Variants in EML1 observed in about 807,000 individuals in gnomAD.
EML1 encodes the protein EMAP like 1.
EML1 carries 27 observed loss-of-function variants against 110.4 expected under a neutral mutation model. The ratio of observed to expected loss-of-function variants is 0.24; its 90% CI spans 0.18 to 0.34. The LOEUF (loss-of-function observed/expected upper bound fraction) is 0.34. Among genes scored for constraint, EML1 ranks in the 10% least tolerant of loss-of-function variants. The probability of loss-of-function intolerance (pLI) is 1.00; values close to 1 mark genes in which losing one functional copy is unlikely to be tolerated. For synonymous variants in EML1, 344 were observed against 385.8 expected (o/e 0.89, Z 1.27); for missense variants, 741 against 1,030.9 (o/e 0.72, Z 3.85).
chr14:99,839,079 G>A (rs1035498637), intron 1 of EML1: 4 of 80,368 alleles, frequency 5.0e-5, no homozygotes, highest in Non-Finnish European at 1.1e-4. Flanking sequence ...AAGGTAATTA[G>A]CAAATTCCCT....
chr14:99,867,534 A>T (rs540024205), intron 3 of EML1, among the ~76,000 whole-genome samples: 1 of 152,114 alleles, frequency 6.6e-6, no homozygotes, highest in African/African-American at 2.4e-5. Flanking sequence ...TGAGTCTTCT[A>T]ACTCCTTGGT....
intron 1 of EML1, among the ~76,000 whole-genome samples, chr14:99,749,341 C>CG (rs2057150207): frequency 1.3e-5 from 2 of 152,176 alleles, no homozygotes; most frequent in African/African-American, 4.8e-5. Context: ...TTCTCGCCCC[C>CG]CCAGCCATCC....
At chr14:99,880,833 C>G (rs1339047322) in intron 4 of EML1, among the ~76,000 whole-genome samples, 2 of 152,164 alleles carry the variant, frequency 1.3e-5, no homozygotes, top group Non-Finnish European at 2.9e-5. Flanking sequence ...AATGAGCTAA[C>G]TTGTAGGAAA....
At chr14:99,783,369 A>G (rs1054394946) in intron 1 of EML1, among the ~76,000 whole-genome samples, 1 of 151,166 alleles carries the variant, frequency 6.6e-6, no homozygotes, top group African/African-American at 2.4e-5. Context: ...TATGTGCCAC[A>G]TTTTCTTAAT....
chr14:99,741,813 T>C (rs2057046142), intron 1 of EML1, among the ~76,000 whole-genome samples: 1 of 152,142 alleles, frequency 6.6e-6, no homozygotes, highest in Admixed American at 6.5e-5. Context: ...CCTGGCGTGG[T>C]GTCCCTTCCC....
intron 6 of EML1, among the ~76,000 whole-genome samples, chr14:99,896,263 C>T (rs1445549058): frequency 2.0e-5 from 3 of 151,984 alleles, no homozygotes; most frequent in Admixed American, 2.0e-4. Context: ...GCTATTGTGA[C>T]TTCATTTAGA....
At position 99,934,814 on chromosome 14, in the gene EML1, GT is replaced by G. The variant is rs1203116776; in HGVS notation, c.1910-1214del. 6.6e-5 allele frequency among the ~76,000 whole-genome samples: 10 copies of G among 152,292 alleles called. No homozygotes were observed. The South Asian group carries it at 1.0e-3, about 16-fold the overall frequency. On this transcript the variant is annotated intron_variant, in intron 17 of 21. Coordinates refer to ENST00000262233, the MANE Select transcript of EML1 (RefSeq NM_004434.3). ...GTGTTTCCTGTCCTGGGCATCGTGA[GT>G]CCCCCTCCCTGCATAGCGTGCACAG...
intron 14 of EML1, 77 bp downstream of exon 14, chr14:99,914,381 G>A: frequency 6.4e-7 from 1 of 1,567,592 alleles, no homozygotes; most frequent in Non-Finnish European, 8.7e-7. Flanking sequence ...ATTACAATCA[G>A]GTGCTTTATA....
At chr14:99,848,208 T>C (rs746854355) in intron 1 of EML1, among the ~76,000 whole-genome samples, 1 of 152,194 alleles carries the variant, frequency 6.6e-6, no homozygotes, top group Non-Finnish European at 1.5e-5. Context: ...TTATGAGGGA[T>C]CACAATATAC....
At chr14:99,786,165 G>GAGGTTACTGTATGC (rs1300513980) in intron 1 of EML1, among the ~76,000 whole-genome samples, 1 of 152,058 alleles carries the variant, frequency 6.6e-6, no homozygotes, top group Non-Finnish European at 1.5e-5. Context: ...AAAGTGCTCT[G>GAGGTTACTGTATGC]AGGTTACTGT....
At chr14:99,924,046 G>A (rs1188553586) in intron 17 of EML1, among the ~76,000 whole-genome samples, 2 of 152,184 alleles carry the variant, frequency 1.3e-5, no homozygotes, top group African/African-American at 4.8e-5. Context: ...TTGCCACCTG[G>A]ACAATAGTGG....
chr14:99,745,913 G>A (rs1455476537), intron 1 of EML1, among the ~76,000 whole-genome samples: 1 of 152,172 alleles, frequency 6.6e-6, no homozygotes, highest in East Asian at 1.9e-4. Flanking sequence ...GCTAGAGCAG[G>A]GAATTCAGCC....
intron 13 of EML1, among the ~76,000 whole-genome samples, chr14:99,912,516 T>C (rs1252353214): frequency 6.6e-6 from 1 of 152,184 alleles, no homozygotes; most frequent in Non-Finnish European, 1.5e-5. Flanking sequence ...GGACAGACTT[T>C]AGGACTTTGA....
intron 1 of EML1, among the ~76,000 whole-genome samples, chr14:99,778,243 T>G (rs1023678909): frequency 3.9e-5 from 6 of 152,232 alleles, no homozygotes; most frequent in Non-Finnish European, 8.8e-5. Flanking sequence ...ATTTTAAAAT[T>G]TGGCCTGTGT....
At chr14:99,745,555 C>A (rs1409930353) in intron 1 of EML1, among the ~76,000 whole-genome samples, 1 of 152,128 alleles carries the variant, frequency 6.6e-6, no homozygotes. Context: ...GCCTACGAAC[C>A]CTGTCATAAG....
intron 4 of EML1, among the ~76,000 whole-genome samples, chr14:99,890,385 G>A (rs1044667754): frequency 4.6e-5 from 7 of 152,224 alleles, no homozygotes; most frequent in African/African-American, 1.7e-4. Context: ...TGTCTGGAAT[G>A]GAGACGGTGC....
chr14:99,764,098 C>T (rs923913230), intron 1 of EML1, among the ~76,000 whole-genome samples: 5 of 152,102 alleles, frequency 3.3e-5, no homozygotes, highest in African/African-American at 9.7e-5. Flanking sequence ...AGTGGAGATG[C>T]CCGCTAGTCT....
chr14:99,826,105 A>ATTTTTTTTTT (rs71113225), intron 1 of EML1, among the ~76,000 whole-genome samples: 5 of 79,962 alleles, frequency 6.3e-5, no homozygotes, highest in African/African-American at 1.5e-4. Context: ...CTGTGCATTG[A>ATTTTTTTTTT]TTTTTTTTTT....
At chr14:99,919,887 G>A (rs749522713) in intron 16 of EML1, among the ~76,000 whole-genome samples, 1 of 152,166 alleles carries the variant, frequency 6.6e-6, no homozygotes, top group Non-Finnish European at 1.5e-5. Flanking sequence ...GGGCTCCTGT[G>A]GAAGACAAGG....
Sources: allele counts gnomAD v4.1 joint callset (sites outside exome capture counted in the v4.1 genomes callset), GRCh38; gene constraint gnomAD v4.1.1; transcripts MANE v1.5; gene names NCBI Gene and HGNC (gene_info 2026-07-23, HGNC 2026-07-21).